Variants in SERTAD2 observed in about 807,000 individuals in gnomAD.
The protein encoded by SERTAD2 is SERTA domain containing 2.
Under a neutral mutation model 15.4 loss-of-function variants are expected in SERTAD2, and 2 were observed. The ratio of observed to expected loss-of-function variants is 0.13; its 90% confidence interval spans 0.05 to 0.41. SERTAD2 has a LOEUF of 0.41. Among genes scored for constraint, SERTAD2 ranks in the 10% least tolerant of loss-of-function variants. SERTAD2 has a pLI of 0.99. For synonymous variants in SERTAD2, 180 were observed against 178.0 expected, an observed-to-expected ratio of 1.01 and a Z score of -0.09; for missense variants, 333 against 409.7, an observed-to-expected ratio of 0.81 and a Z score of 1.62.
chr2:64,647,650 A>G (rs1239042382), intron 1 of SERTAD2, among the ~76,000 whole-genome samples: 2 of 140,638 alleles, frequency 1.4e-5, no homozygotes, highest in African/African-American at 2.7e-5. Context: ...AGGCTTTGCC[A>G]AAAGTATGTG....
Position 64,636,038 on chromosome 2 carries a change from G to T in SERTAD2, c.834C>A (p.Asp278Glu), listed in dbSNP as rs1674648577. Reference protein sequence around the residue: ...ASKMAPVSADDLLKTLAPYSS... With the variant: ...ASKMAPVSADELLKTLAPYSS... ...TGTAAGGAGCCAGAGTTTTGAGGAG[G>T]TCGTCGGCAGACACAGGGGCCATTT... is the stretch of plus-strand genomic sequence containing the variant. The change falls in exon 2 of 2, where the codon GAC becomes GAA. Residue 278 changes from aspartate (D) to glutamate (E), a missense_variant. Asp to Glu is a conservative substitution (Grantham distance 45). Coordinates refer to ENST00000313349, the MANE Select transcript of SERTAD2 (RefSeq NM_014755.3). 1 of 1,614,010 alleles carries T rather than the reference G, an allele frequency of 6.2e-7. No homozygotes were observed. Among genetic ancestry groups the T allele is most frequent in the African/African-American group, 1.3e-5 (1 of 74,894 alleles).
At chr2:64,644,612 G>C (rs1422339866) in intron 1 of SERTAD2, 1 of 152,224 alleles carries the variant, frequency 6.6e-6, no homozygotes, top group Non-Finnish European at 1.5e-5. Flanking sequence ...CAACACACTG[G>C]ACTAAGAAAT....
At chr2:64,651,949 C>A (rs1363629775) in intron 1 of SERTAD2, among the ~76,000 whole-genome samples, 1 of 150,316 alleles carries the variant, frequency 6.7e-6, no homozygotes, top group Non-Finnish European at 1.5e-5. Flanking sequence ...CATCTGAGAA[C>A]AACATGGTTA....
chr2:64,639,485 C>T (rs951205293), intron 1 of SERTAD2, among the ~76,000 whole-genome samples: 18 of 152,134 alleles, frequency 1.2e-4, no homozygotes, highest in Non-Finnish European at 2.9e-5. Context: ...AAGCACTGTC[C>T]GTAAGTGTAA....
At chr2:64,652,200 G>A (rs1675026494) in intron 1 of SERTAD2, among the ~76,000 whole-genome samples, 1 of 152,272 alleles carries the variant, frequency 6.6e-6, no homozygotes, top group African/African-American at 2.4e-5. Context: ...TCCAGAAGTT[G>A]GGATCTTAGG....
intron 1 of SERTAD2, among the ~76,000 whole-genome samples, chr2:64,651,159 T>C (rs1316454390): frequency 3.9e-5 from 6 of 152,244 alleles, no homozygotes; most frequent in South Asian, 2.1e-4. Flanking sequence ...TCTGTTGATA[T>C]ATGTGAAATA....
At chr2:64,641,608 C>A (rs1316627870) in intron 1 of SERTAD2, among the ~76,000 whole-genome samples, 1 of 152,088 alleles carries the variant, frequency 6.6e-6, no homozygotes. Context: ...AGGAAAGACA[C>A]CAAGGGGCAG....
At chr2:64,638,548 T>C (rs761650937) in intron 1 of SERTAD2, among the ~76,000 whole-genome samples, 1 of 152,252 alleles carries the variant, frequency 6.6e-6, no homozygotes, top group African/African-American at 2.4e-5. Context: ...GTAACCGTCT[T>C]ACCTCATGTC....
At chr2:64,645,666 G>A (rs1218499937) in intron 1 of SERTAD2, among the ~76,000 whole-genome samples, 5 of 152,210 alleles carry the variant, frequency 3.3e-5, no homozygotes, top group Admixed American at 2.6e-4. Flanking sequence ...AATTCTGGGA[G>A]GGAATGTTTC....
rs964816013 is a variant in SERTAD2 at position 64,631,774 on chromosome 2, A to G, written c.*4153T>C. ...TCCGATGTAACGTCTGTAATATTGC[A>G]TAGAAAAGGCACAGCTCTCAGGTCT... On this transcript the variant is annotated 3_prime_UTR_variant, in exon 2 of 2. Transcript: ENST00000313349. 6.5e-6 allele frequency: 1 copy of G among 152,686 alleles called. No individual in the cohort carries two copies. The highest frequency in any genetic ancestry group is 1.9e-4 in the East Asian group (1 of 5,198). 9.5% of individuals were successfully genotyped at this position (152,686 alleles called of 1,614,324 possible).
intron 1 of SERTAD2, among the ~76,000 whole-genome samples, chr2:64,640,988 A>G (rs1323961765): frequency 6.6e-6 from 1 of 152,220 alleles, no homozygotes; most frequent in Non-Finnish European, 1.5e-5. Flanking sequence ...ACTTTTTAGA[A>G]ACAAATTCCT....
In SERTAD2 at chr2:64,645,023, A is replaced by G. The variant is rs540770641; in HGVS notation, c.-4-8148T>C. The G allele has an allele frequency of 2.3e-5, 3 of 129,580 alleles. No individual in the cohort carries two copies. The South Asian group carries it at 7.8e-4, about 34-fold the overall frequency. The allele number at this position is 129,580 out of a possible 1,614,324, so 8.0% of individuals were successfully genotyped here. On this transcript the variant is annotated intron_variant, in intron 1 of 1. Coordinates refer to ENST00000313349, the MANE Select transcript of SERTAD2 (RefSeq NM_014755.3). ...TTAGTAACAGAACTCATGAAGTTCTATGGATCGGGATGCTTTAAAAAAAAA... is the reference window on the plus strand; with the variant it reads ...TTAGTAACAGAACTCATGAAGTTCTGTGGATCGGGATGCTTTAAAAAAAAA...
chr2:64,634,877 T>C lies in SERTAD2; in HGVS notation c.*1050A>G, dbSNP rs1338607300. The C allele has an allele frequency of 6.6e-6, 1 of 152,628 alleles. No homozygotes were observed. The highest frequency in any genetic ancestry group is 2.4e-5 in the African/African-American group (1 of 41,444). The allele number at this position is 152,628 out of a possible 1,614,324, so 9.5% of individuals were successfully genotyped here. On this transcript the variant is annotated 3_prime_UTR_variant, in exon 2 of 2. Transcript: ENST00000313349. Reference sequence around the variant, plus strand: ...AATAAAAACAATTAAAAGCGCAAACTTGGCATAAATACACTCTTAAGAAAG... The same window carrying C: ...AATAAAAACAATTAAAAGCGCAAACCTGGCATAAATACACTCTTAAGAAAG...
In SERTAD2 at chr2:64,645,909, T is replaced by C. The variant is rs528468793; in HGVS notation, c.-5+7711A>G. On this transcript the variant is annotated intron_variant, in intron 1 of 1. Transcript: ENST00000313349. ...ATGCTGCCAATTGTTTTATTTTATC[T>C]AAGGATTCTGGCTAAAAGTATGGTA... 5.9e-5 allele frequency among the ~76,000 whole-genome samples: 9 copies of C among 152,064 alleles called. No individual in the cohort carries two copies. The South Asian group carries it at 1.0e-3, about 18-fold the overall frequency.
chr2:64,632,282 C>T lies in SERTAD2; in HGVS notation c.*3645G>A, dbSNP rs1476063737. 6.8e-6 allele frequency: 1 copy of T among 146,144 alleles called. No homozygotes were observed. Among genetic ancestry groups the T allele is most frequent in the Non-Finnish European group, 1.5e-5 (1 of 67,170 alleles). The allele number at this position is 146,144 out of a possible 1,614,324, so 9.1% of individuals were successfully genotyped here. A position where few individuals can be genotyped will look rare whatever the true frequency, so the allele number is the denominator to read the frequency against. On this transcript the variant is annotated 3_prime_UTR_variant, in exon 2 of 2. Transcript: ENST00000313349. ...TTTTTACATTTGTCATTTAAGAAGG[C>T]TGCCCTGCGGTATTCATAATTCATT...
chr2:64,633,961 T>G lies in SERTAD2; in HGVS notation c.*1966A>C, dbSNP rs1392933689. ...TCACAAACGTCTTTGCTTTGCCATG[T>G]GCATTACAAAAATAAAACTAACTAT... is the stretch of plus-strand genomic sequence containing the variant. On this transcript the variant is annotated 3_prime_UTR_variant, in exon 2 of 2. Transcript: ENST00000313349. The G allele has an allele frequency of 6.6e-6, 1 of 152,670 alleles. No homozygotes were observed. Among genetic ancestry groups the G allele is most frequent in the Non-Finnish European group, 1.5e-5 (1 of 68,038 alleles). The allele number at this position is 152,670 out of a possible 1,614,324, so 9.5% of individuals were successfully genotyped here. A position where few individuals can be genotyped will look rare whatever the true frequency, so the allele number is the denominator to read the frequency against.
chr2:64,652,108 GTC>G (rs1338701974), intron 1 of SERTAD2, among the ~76,000 whole-genome samples: 1 of 151,904 alleles, frequency 6.6e-6, no homozygotes, highest in East Asian at 1.9e-4. Flanking sequence ...TTAAACATTT[GTC>G]TCTTTTAAAT....
intron 1 of SERTAD2, among the ~76,000 whole-genome samples, chr2:64,640,064 T>TACAA (rs1674738350): frequency 6.6e-6 from 1 of 152,192 alleles, no homozygotes; most frequent in African/African-American, 2.4e-5. Context: ...CTGTTTTGTA[T>TACAA]TATAAGGCAA....
In SERTAD2 at chr2:64,653,691, A is replaced by G. The variant is rs772584649; in HGVS notation, c.-76T>C. 2 of 152,366 alleles carry G rather than the reference A, an allele frequency of 1.3e-5. No homozygotes were observed. The highest frequency in any genetic ancestry group is 1.9e-4 in the East Asian group (1 of 5,162). 9.4% of individuals were successfully genotyped at this position (152,366 alleles called of 1,614,324 possible). ...CCCACTCCTCAGCTACTCCCGCTCC[A>G]TGCGGAGTGCCCCGCTCCAGGGGCC... On this transcript the variant is annotated 5_prime_UTR_variant, in exon 1 of 2. The change abolishes an upstream ATG in the 5' untranslated region. Coordinates refer to ENST00000313349, the MANE Select transcript of SERTAD2 (RefSeq NM_014755.3).
Sources: allele counts gnomAD v4.1 joint callset (sites outside exome capture counted in the v4.1 genomes callset), GRCh38; gene constraint gnomAD v4.1.1; transcripts MANE v1.5; gene names NCBI Gene and HGNC (gene_info 2026-07-23, HGNC 2026-07-21).